PKHD1: variants seen among roughly 807,000 people sequenced by gnomAD.
The protein encoded by PKHD1 is fibrocystin.
A neutral mutation model predicts 412.0 loss-of-function variants in PKHD1; 291 were observed. The observed-to-expected ratio is 0.71, with a 90% CI of 0.64 to 0.78. The LOEUF is 0.78. Ranked by LOEUF, PKHD1 falls within the 30% of genes least tolerant of loss-of-function variation. The probability of loss-of-function intolerance (pLI) is 0.00; values close to 1 mark genes in which losing one functional copy is unlikely to be tolerated. For synonymous variants in PKHD1, 1,777 were observed against 1,821.5 expected (o/e 0.98, Z 0.62); for missense variants, 4,825 against 4,950.7 (o/e 0.97, Z 0.76).
intron 60 of PKHD1, among the ~76,000 whole-genome samples, chr6:51,708,657 G>T (rs1582202664): frequency 1.3e-5 from 2 of 152,116 alleles, no homozygotes; most frequent in South Asian, 4.1e-4. Context: ...ATGGGCTTTT[G>T]CACAGATTGT....
chr6:51,901,794 C>T (rs1781348851), intron 43 of PKHD1, among the ~76,000 whole-genome samples: 1 of 151,536 alleles, frequency 6.6e-6, no homozygotes, highest in Non-Finnish European at 1.5e-5. Flanking sequence ...ATTCTCAAAA[C>T]ATATGCATTG....
rs1306049517 is a variant in PKHD1 at position 51,894,163 on chromosome 6, A to G, written c.6997-6918T>C. Among the ~76,000 whole-genome samples, 9 of 152,326 alleles carry G rather than the reference A, an allele frequency of 5.9e-5. No homozygotes were observed. In the Middle Eastern group the frequency reaches 0.02, roughly 345 times the overall value. The stretch of plus-strand genomic sequence containing the variant: ...AAGAAGTCCTAGACTCCGGAGCTGG[A>G]GCTGCTGAGGGAAGACAGCCTGAGG... On this transcript the variant is annotated intron_variant, in intron 43 of 66. Transcript: ENST00000371117.
chr6:51,794,381 T>A (rs1234455870), intron 52 of PKHD1, among the ~76,000 whole-genome samples: 1 of 152,170 alleles, frequency 6.6e-6, no homozygotes, highest in African/African-American at 2.4e-5. Context: ...ATGGGGTTGT[T>A]TTTTCTTGTA....
intron 41 of PKHD1, among the ~76,000 whole-genome samples, chr6:51,904,278 G>A (rs578260920): frequency 6.6e-5 from 10 of 152,238 alleles, no homozygotes; most frequent in Middle Eastern, 6.8e-3. Context: ...CTTTTGAGGA[G>A]GAGTCTAAGT....
Position 52,024,666 on chromosome 6 carries a change from TG to T in PKHD1, c.5143del (p.His1715ThrfsTer27). 6.2e-7 allele frequency: 1 copy of T among 1,614,130 alleles called. No individual in the cohort carries two copies. The highest frequency in any genetic ancestry group is 8.5e-7 in the Non-Finnish European group (1 of 1,180,000). On this transcript the variant is annotated frameshift_variant, in exon 32 of 67. Coordinates refer to ENST00000371117, the MANE Select transcript of PKHD1 (RefSeq NM_138694.4). LOFTEE classifies it high-confidence loss of function. ...VVPSLPAGEY[H>X]VRGYDCIRGW... is the part of the protein sequence containing the mutation. ...TCTGATGCAGTCATAGCCTCTGACG[TG>T]GTACTCCCCGGCCGGAAGGGAAGGG...
At chr6:51,750,574 T>A (rs2150997712) in intron 57 of PKHD1, among the ~76,000 whole-genome samples, 1 of 152,192 alleles carries the variant, frequency 6.6e-6, no homozygotes, top group East Asian at 1.9e-4. Flanking sequence ...TGCGCCACCT[T>A]AGTCTAGGAA....
At chr6:51,815,893 A>G (rs984891060) in intron 52 of PKHD1, among the ~76,000 whole-genome samples, 9 of 152,310 alleles carry the variant, frequency 5.9e-5, no homozygotes, top group Admixed American at 5.9e-4. Context: ...CTCACTTTAT[A>G]TTTTGCCACT....
intron 48 of PKHD1, among the ~76,000 whole-genome samples, chr6:51,862,343 T>C (rs1450483531): frequency 1.3e-5 from 2 of 152,230 alleles, no homozygotes; most frequent in Non-Finnish European, 2.9e-5. Flanking sequence ...AACCATGTAA[T>C]ATTGTTGATG....
intron 60 of PKHD1, among the ~76,000 whole-genome samples, chr6:51,734,866 G>A (rs1376434626): frequency 6.6e-6 from 1 of 152,164 alleles, no homozygotes; most frequent in African/African-American, 2.4e-5. Flanking sequence ...AAAGTGTACA[G>A]GAGAATGTAT....
In PKHD1 at chr6:51,617,917, G is replaced by A. The variant is rs1039316973; in HGVS notation, c.*1164C>T. The A allele has an allele frequency of 1.3e-5, 2 of 152,032 alleles. No homozygotes were observed. Among genetic ancestry groups the A allele is most frequent in the Non-Finnish European group, 2.9e-5 (2 of 68,022 alleles). 9.4% of individuals were successfully genotyped at this position (152,032 alleles called of 1,614,324 possible). On this transcript the variant is annotated 3_prime_UTR_variant, in exon 67 of 67. Transcript: ENST00000371117. Reference sequence around the variant, plus strand: ...TCAGGATTTTCAGGAAAATCTGAGAGCAATCTCTTTTTGGAAGCTCTCCAC... The same window carrying A: ...TCAGGATTTTCAGGAAAATCTGAGAACAATCTCTTTTTGGAAGCTCTCCAC...
At chr6:51,858,149 T>C (rs1439080843) in intron 48 of PKHD1, among the ~76,000 whole-genome samples, 1 of 152,148 alleles carries the variant, frequency 6.6e-6, no homozygotes, top group African/African-American at 2.4e-5. Flanking sequence ...TCCCACCATA[T>C]TTCATCCCTC....
chr6:51,676,909 A>G (rs776413711), intron 60 of PKHD1, among the ~76,000 whole-genome samples: 2 of 152,176 alleles, frequency 1.3e-5, no homozygotes, highest in Non-Finnish European at 2.9e-5. Context: ...TGTATGTTAC[A>G]CTTATAAGGT....
chr6:51,918,918 G>A (rs1056770166), intron 37 of PKHD1, among the ~76,000 whole-genome samples: 10 of 152,182 alleles, frequency 6.6e-5, no homozygotes, highest in South Asian at 2.1e-4. Flanking sequence ...TTTGTTGATC[G>A]CATAAATATC....
rs1309154859 is a variant in PKHD1 at position 52,066,064 on chromosome 6, C to G, written c.792G>C (p.Val264=). The part of the protein sequence containing the change: ...LYQTHSEILS[V]FPETGSLGGR... ...CCCCAAGGCTCCCAGTTTCTGGAAACACAGATAATATTTCTGCAAGAGTTA... is the reference window on the plus strand; with the variant it reads ...CCCCAAGGCTCCCAGTTTCTGGAAAGACAGATAATATTTCTGCAAGAGTTA... Residue 264 remains valine, a synonymous_variant, in exon 12 of 67, where the codon GTG becomes GTC. Coordinates refer to ENST00000371117, the MANE Select transcript of PKHD1 (RefSeq NM_138694.4). The G allele has an allele frequency of 2.1e-6, 3 of 1,421,844 alleles. No individual in the cohort carries two copies. The Admixed American group carries it at 5.3e-5, about 25-fold the overall frequency. The allele number at this position is 1,421,844 out of a possible 1,614,324, so 88.1% of individuals were successfully genotyped here. A position where few individuals can be genotyped will look rare whatever the true frequency, so the allele number is the denominator to read the frequency against.
At chr6:51,694,863 T>C (rs1407537014) in intron 60 of PKHD1, among the ~76,000 whole-genome samples, 1 of 152,186 alleles carries the variant, frequency 6.6e-6, no homozygotes, top group Non-Finnish European at 1.5e-5. Context: ...ACAGCTGTAC[T>C]GCCACATTGT....
At chr6:51,651,381 T>G (rs1770938671) in intron 61 of PKHD1, among the ~76,000 whole-genome samples, 1 of 152,148 alleles carries the variant, frequency 6.6e-6, no homozygotes, top group Non-Finnish European at 1.5e-5. Context: ...CTCCGTGGCC[T>G]TTTAGAGAAA....
intron 33 of PKHD1, 21 bp from the exon 34 acceptor site, chr6:52,017,650 T>A (rs1554194631): frequency 6.3e-7 from 1 of 1,592,368 alleles, no homozygotes; most frequent in Non-Finnish European, 8.6e-7. Context: ...CAGTCACCAT[T>A]AGGAAAGAAC....
rs1782998846 is a variant in PKHD1, at chr6:51,911,876, C to CTGAGGTAA, written c.6412_6413insTTACCTCA (p.Ser2138IlefsTer39). On this transcript the variant is annotated frameshift_variant, in exon 39 of 67. Transcript: ENST00000371117. LOFTEE classifies it high-confidence loss of function. ...AGTGAGATTTCCTTGTATGGTAATA[C>CTGAGGTAA]TCCTGCTGAGCAGAGCCACAGTGGC... is the stretch of plus-strand genomic sequence containing the variant. 6.2e-7 allele frequency: 1 copy of CTGAGGTAA among 1,612,040 alleles called. No individual in the cohort carries two copies. The highest frequency in any genetic ancestry group is 1.1e-5 in the South Asian group (1 of 91,054).
chr6:51,955,401 G>A (rs1790968412), intron 36 of PKHD1, among the ~76,000 whole-genome samples: 1 of 151,954 alleles, frequency 6.6e-6, no homozygotes, highest in Non-Finnish European at 1.5e-5. Flanking sequence ...AAACATTGGG[G>A]CCACTTCTCA....
Sources: allele counts gnomAD v4.1 joint callset (sites outside exome capture counted in the v4.1 genomes callset), GRCh38; gene constraint gnomAD v4.1.1; transcripts MANE v1.5; gene names NCBI Gene and HGNC (gene_info 2026-07-23, HGNC 2026-07-21).